LUZP2: variants seen among roughly 807,000 people sequenced by gnomAD.
The protein encoded by LUZP2 is leucine zipper protein 2.
LUZP2 carries 52 observed loss-of-function variants against 51.6 expected under a neutral mutation model. The ratio of observed to expected loss-of-function variants is 1.01; its 90% CI spans 0.81 to 1.27. The LOEUF is 1.27. LUZP2 is among the 50% of genes most tolerant of loss of function. The probability of loss-of-function intolerance (pLI) is 0.00; values close to 1 mark genes in which losing one functional copy is unlikely to be tolerated. For synonymous variants in LUZP2, 154 were observed against 137.3 expected (o/e 1.12, Z -0.85); for missense variants, 436 against 395.4 (o/e 1.10, Z -0.87).
intron 1 of LUZP2, among the ~76,000 whole-genome samples, chr11:24,724,092 A>G (rs573979114): frequency 3.4e-4 from 52 of 152,282 alleles, no homozygotes; most frequent in Non-Finnish European, 6.9e-4. Context: ...TTAGTTTTCT[A>G]TCTCTTAAAT....
rs561414708 is a variant in LUZP2, at chr11:24,842,082, TA to T, written c.397-63902del. Among the ~76,000 whole-genome samples the T allele has an allele frequency of 6.1e-3, 916 of 151,394 alleles. 4 individuals are homozygous for T. Among genetic ancestry groups the T allele is most frequent in the Non-Finnish European group, 9.1e-3 (619 of 67,760 alleles). ...TGCAAAGATATTGAAAGTAAAAATA[TA>T]AAAAAATAGATATACTGACACTTAT... On this transcript the variant is annotated intron_variant, in intron 5 of 11. Coordinates refer to ENST00000336930, the MANE Select transcript of LUZP2 (RefSeq NM_001009909.4).
chr11:24,877,603 A>G (rs964933516), intron 5 of LUZP2, among the ~76,000 whole-genome samples: 1 of 152,142 alleles, frequency 6.6e-6, no homozygotes, highest in African/African-American at 2.4e-5. Flanking sequence ...CAAACCAATT[A>G]TACTCTTAGT....
intron 2 of LUZP2, among the ~76,000 whole-genome samples, chr11:24,729,924 T>G (rs2133968258): frequency 6.6e-6 from 1 of 151,970 alleles, no homozygotes; most frequent in African/African-American, 2.4e-5. Context: ...TTGTTACACA[T>G]GAGAGATAAT....
At chr11:24,811,636 A>G (rs559467584) in intron 5 of LUZP2, among the ~76,000 whole-genome samples, 8 of 152,006 alleles carry the variant, frequency 5.3e-5, no homozygotes, top group East Asian at 1.9e-4. Flanking sequence ...AGTTTTTTCA[A>G]TCTCGATGGT....
rs1854104241 is a variant in LUZP2, at chr11:24,611,116, A to G, written c.62+113811A>G. ...TTGTTTTGGCTATCCGAAGTAACAT[A>G]TAAGTGACTTTTATTTATATTACAT... On this transcript the variant is annotated intron_variant, in intron 1 of 11. Transcript: ENST00000336930. The surrounding 1 kb of genome is among the most constrained non-coding windows in gnomAD (Gnocchi z 4.6). 6.6e-6 allele frequency among the ~76,000 whole-genome samples: 1 copy of G among 151,946 alleles called. No individual in the cohort carries two copies. Among genetic ancestry groups the G allele is most frequent in the South Asian group, 2.1e-4 (1 of 4,826 alleles).
intron 5 of LUZP2, among the ~76,000 whole-genome samples, chr11:24,846,339 A>G (rs1851198615): frequency 6.6e-6 from 1 of 152,026 alleles, no homozygotes; most frequent in Non-Finnish European, 1.5e-5. Flanking sequence ...TCCGCCAAAT[A>G]AAAGAAGAAA....
intron 1 of LUZP2, among the ~76,000 whole-genome samples, chr11:24,664,682 C>A (rs766684404): frequency 5.9e-5 from 9 of 152,186 alleles, no homozygotes; most frequent in Non-Finnish European, 1.2e-4. Context: ...CAGGGGCCAA[C>A]ATACAGCTTA....
At chr11:24,939,914 G>A (rs1281836365) in intron 7 of LUZP2, among the ~76,000 whole-genome samples, 4 of 152,072 alleles carry the variant, frequency 2.6e-5, no homozygotes, top group Non-Finnish European at 5.9e-5. Context: ...CTCTTCCTGT[G>A]GTTCCTGGGC....
At chr11:25,015,868 C>T (rs762278331) in intron 9 of LUZP2, among the ~76,000 whole-genome samples, 1 of 148,758 alleles carries the variant, frequency 6.7e-6, no homozygotes, top group Admixed American at 6.7e-5. Context: ...GTTACATGAA[C>T]GAATTGTATA....
intron 9 of LUZP2, among the ~76,000 whole-genome samples, chr11:25,005,699 C>G (rs1223810289): frequency 6.6e-6 from 1 of 152,278 alleles, no homozygotes; most frequent in East Asian, 1.9e-4. Flanking sequence ...ACCGACGCAG[C>G]AGCAGAAACA....
At position 24,571,483 on chromosome 11, in the gene LUZP2, C is replaced by T. The variant is rs377039346; in HGVS notation, c.62+74178C>T. Among the ~76,000 whole-genome samples, 122 of 152,078 alleles carry T rather than the reference C, an allele frequency of 8.0e-4. 4 individuals are homozygous for T. In the South Asian group the frequency reaches 0.023, roughly 29 times the overall value. On this transcript the variant is annotated intron_variant, in intron 1 of 11. Transcript: ENST00000336930. ...ATAGCAACTAAATTTAACTCAAATG[C>T]CATTTCCAAATTAAAGTTAGTGGAT...
chr11:25,070,892 G>T (rs982897693), intron 10 of LUZP2, among the ~76,000 whole-genome samples: 1 of 150,394 alleles, frequency 6.6e-6, no homozygotes, highest in Non-Finnish European at 1.5e-5. Flanking sequence ...CTTTCCTATT[G>T]CCCTTCAGTT....
At chr11:24,635,552 CT>C (rs1339100678) in intron 1 of LUZP2, among the ~76,000 whole-genome samples, 1 of 152,092 alleles carries the variant, frequency 6.6e-6, no homozygotes, top group Non-Finnish European at 1.5e-5. Flanking sequence ...GCAAAGTATG[CT>C]GTTTATCCTT....
intron 1 of LUZP2, among the ~76,000 whole-genome samples, chr11:24,539,584 G>T (rs991976230): frequency 6.6e-6 from 1 of 151,922 alleles, no homozygotes; most frequent in African/African-American, 2.4e-5. Flanking sequence ...ATGCCAGGAA[G>T]TAAATATTCC....
At chr11:24,741,919 C>A (rs1308934603) in intron 4 of LUZP2, among the ~76,000 whole-genome samples, 2 of 16,708 alleles carry the variant, frequency 1.2e-4, no homozygotes, top group Non-Finnish European at 3.7e-4. Flanking sequence ...ATAATATATA[C>A]ATTTATATAT....
intron 1 of LUZP2, among the ~76,000 whole-genome samples, chr11:24,573,913 T>A (rs1852521771): frequency 2.0e-5 from 3 of 151,792 alleles, no homozygotes; most frequent in Admixed American, 6.6e-5. Context: ...AGTTTTAGGG[T>A]ACATGTGCAC....
At chr11:24,740,198 C>T (rs542937775) in intron 4 of LUZP2, among the ~76,000 whole-genome samples, 96 of 152,220 alleles carry the variant, frequency 6.3e-4, no homozygotes, top group Non-Finnish European at 9.9e-4. Context: ...ATTCAAATAA[C>T]GTGTTTCTAG....
chr11:24,853,698 G>A (rs1038870148), intron 5 of LUZP2, among the ~76,000 whole-genome samples: 1 of 152,018 alleles, frequency 6.6e-6, no homozygotes, highest in Non-Finnish European at 1.5e-5. Flanking sequence ...GAGGAGAAGA[G>A]GCTTTCTGGC....
intron 1 of LUZP2, among the ~76,000 whole-genome samples, chr11:24,717,762 C>A (rs182914555): frequency 6.6e-6 from 1 of 152,034 alleles, no homozygotes; most frequent in Non-Finnish European, 1.5e-5. Context: ...TCCCTTCACC[C>A]TCCATTAGAC....
Sources: gnomAD v4.1 joint callset for allele counts (sites outside exome capture counted in the v4.1 genomes callset) on GRCh38, gnomAD v4.1.1 for gene constraint, Gnocchi (gnomAD v3.1) non-coding constraint, MANE v1.5 for transcripts, NCBI Gene and HGNC (gene_info 2026-07-23, HGNC 2026-07-21) for gene names.